ATF6: variants seen among roughly 807,000 people sequenced by gnomAD.
ATF6 encodes activating transcription factor 6.
Under a neutral mutation model 83.6 loss-of-function variants are expected in ATF6, and 53 were observed. The ratio of observed to expected loss-of-function variants is 0.63; its 90% CI spans 0.51 to 0.80. The LOEUF is 0.80. Among genes scored for constraint, ATF6 ranks in the 30% least tolerant of loss-of-function variants. ATF6 has a pLI of 0.00. For missense variants in ATF6, 744 were observed against 797.9 expected, an observed-to-expected ratio of 0.93 and a Z score of 0.81; for synonymous variants, 288 against 285.8, an observed-to-expected ratio of 1.01 and a Z score of -0.08.
chr1:161,889,048 A>G (rs2101866905), intron 14 of ATF6, among the ~76,000 whole-genome samples: 1 of 152,292 alleles, frequency 6.6e-6, no homozygotes, highest in South Asian at 2.1e-4. Flanking sequence ...ACACTCCTAC[A>G]AGCCTTGAAG....
rs1210351498 is a variant in ATF6 at position 161,960,095 on chromosome 1, A to AC, written c.*1441_*1442insC. The AC allele has an allele frequency of 6.6e-6, 1 of 152,102 alleles. No individual in the cohort carries two copies. Among genetic ancestry groups the AC allele is most frequent in the African/African-American group, 2.4e-5 (1 of 41,386 alleles). 9.4% of individuals were successfully genotyped at this position (152,102 alleles called of 1,614,324 possible). A position where few individuals can be genotyped will look rare whatever the true frequency, so the allele number is the denominator to read the frequency against. On this transcript the variant is annotated 3_prime_UTR_variant, in exon 16 of 16. Coordinates refer to ENST00000367942, the MANE Select transcript of ATF6 (RefSeq NM_007348.4). ...CTTTTGTCCTCCCATGGTTAAAAAAAAAAAAAAAGCTGTGTTCATTTTTAC... is the reference window on the plus strand; with the variant it reads ...CTTTTGTCCTCCCATGGTTAAAAAAACAAAAAAAAGCTGTGTTCATTTTTAC...
intron 6 of ATF6, among the ~76,000 whole-genome samples, chr1:161,797,404 T>C (rs924617032): frequency 1.3e-5 from 2 of 152,142 alleles, no homozygotes; most frequent in Non-Finnish European, 2.9e-5. Flanking sequence ...GACGATATGA[T>C]TCTATACCTG....
chr1:161,920,292 C>CTTTTTTTTTTTTTTTTT (rs1322896918), intron 15 of ATF6, among the ~76,000 whole-genome samples: 16 of 19,794 alleles, frequency 8.1e-4, no homozygotes, highest in Non-Finnish European at 1.6e-3. Context: ...CTCTCTCTCT[C>CTTTTTTTTTTTTTTTTT]TCTTTTTTTT....
intron 14 of ATF6, among the ~76,000 whole-genome samples, chr1:161,867,327 T>TAGGG (rs1687028897): frequency 1.3e-5 from 2 of 152,088 alleles, no homozygotes; most frequent in Admixed American, 6.5e-5. Context: ...ATAGTCTATT[T>TAGGG]AGGGAGGGAG....
intron 14 of ATF6, among the ~76,000 whole-genome samples, chr1:161,888,796 A>G (rs1402555663): frequency 2.0e-5 from 3 of 152,046 alleles, no homozygotes; most frequent in African/African-American, 7.2e-5. Flanking sequence ...TTCCCTGCCT[A>G]AATTCCTTGG....
In ATF6 at chr1:161,959,099, C is replaced by G. The variant is rs929502028; in HGVS notation, c.*445C>G. 4 of 153,384 alleles carry G rather than the reference C, an allele frequency of 2.6e-5. No individual in the cohort carries two copies. Among genetic ancestry groups the G allele is most frequent in the African/African-American group, 9.6e-5 (4 of 41,454 alleles). The allele number at this position is 153,384 out of a possible 1,614,324, so 9.5% of individuals were successfully genotyped here. A position where few individuals can be genotyped will look rare whatever the true frequency, so the allele number is the denominator to read the frequency against. ...CATGTTCAAATGGTTTCCACTGATT[C>G]GATTTTTCATTCATTTAATGCAAAC... is the stretch of plus-strand genomic sequence containing the variant. On this transcript the variant is annotated 3_prime_UTR_variant, in exon 16 of 16. Transcript: ENST00000367942.
In ATF6 at chr1:161,931,619, T is replaced by G. The variant is rs532431047; in HGVS notation, c.1804+19239T>G. Among the ~76,000 whole-genome samples the G allele has an allele frequency of 2.6e-5, 4 of 152,312 alleles. No homozygotes were observed. The South Asian group carries it at 8.3e-4, about 32-fold the overall frequency. On this transcript the variant is annotated intron_variant, in intron 15 of 15. Transcript: ENST00000367942. ...TAGCAGTGACTCCTCATTCACCCCTTTCCCCACTCCAGTAATGCTGAGCAT... is the reference window on the plus strand; with the variant it reads ...TAGCAGTGACTCCTCATTCACCCCTGTCCCCACTCCAGTAATGCTGAGCAT...
intron 15 of ATF6, among the ~76,000 whole-genome samples, chr1:161,951,581 AG>A (rs1343378556): frequency 1.3e-5 from 2 of 152,216 alleles, no homozygotes; most frequent in African/African-American, 4.8e-5. Flanking sequence ...ATAGTCTAGT[AG>A]GGGTGACACA....
intron 6 of ATF6, among the ~76,000 whole-genome samples, chr1:161,796,395 T>TATA (rs1405552129): frequency 6.6e-6 from 1 of 152,204 alleles, no homozygotes; most frequent in Non-Finnish European, 1.5e-5. Flanking sequence ...CATGGCTTCC[T>TATA]ATAATACTCT....
chr1:161,898,119 A>G (rs747805781), intron 14 of ATF6, among the ~76,000 whole-genome samples: 19 of 152,186 alleles, frequency 1.2e-4, no homozygotes, highest in Admixed American at 6.5e-5. Context: ...AGTAAAAGCC[A>G]TTCAGAGAGA....
intron 1 of ATF6, among the ~76,000 whole-genome samples, chr1:161,774,381 G>A (rs1684467606): frequency 6.6e-6 from 1 of 151,130 alleles, no homozygotes; most frequent in South Asian, 2.1e-4. Flanking sequence ...GTGGAGTAAT[G>A]AGAAGTAGTT....
Position 161,920,028 on chromosome 1 carries a change from G to A in ATF6, c.1804+7648G>A, listed in dbSNP as rs374789366. Reference sequence around the variant, plus strand: ...CCCAAGGCAAATATATTTGGAAACCGTCCTATTCATTCTGCTCAAGCAGCC... The same window carrying A: ...CCCAAGGCAAATATATTTGGAAACCATCCTATTCATTCTGCTCAAGCAGCC... On this transcript the variant is annotated intron_variant, in intron 15 of 15. Coordinates refer to ENST00000367942, the MANE Select transcript of ATF6 (RefSeq NM_007348.4). Among the ~76,000 whole-genome samples the A allele has an allele frequency of 2.3e-3, 351 of 152,204 alleles. 1 individual carries two copies. Among genetic ancestry groups the A allele is most frequent in the Non-Finnish European group, 4.1e-3 (277 of 68,002 alleles).
At chr1:161,896,356 C>CA (rs1687676887) in intron 14 of ATF6, among the ~76,000 whole-genome samples, 1 of 152,192 alleles carries the variant, frequency 6.6e-6, no homozygotes, top group Admixed American at 6.5e-5. Flanking sequence ...CTCGGCCTCC[C>CA]AAAGTGCTGA....
chr1:161,843,133 A>C (rs746054388), intron 9 of ATF6, among the ~76,000 whole-genome samples: 7 of 152,192 alleles, frequency 4.6e-5, no homozygotes, highest in Non-Finnish European at 1.0e-4. Flanking sequence ...CATGTTCCGC[A>C]CACTCATTCA....
At position 161,912,342 on chromosome 1, in the gene ATF6, C is replaced by A; in HGVS notation, c.1766C>A (p.Pro589Gln). ...ACCACCCATAACAAGACCACAAGAC[C>A]AAAAATGTCAATTGTGTTACCAGCA... ...PATTHNKTTRPKMSIVLPAIN... is the reference protein window; with the variant it reads ...PATTHNKTTRQKMSIVLPAIN... Residue 589 changes from proline to glutamine, a missense_variant, in exon 15 of 16, where the codon CCA (proline) becomes CAA (glutamine). Pro to Gln is a moderately conservative substitution (Grantham distance 76, BLOSUM62 -1). Coordinates refer to ENST00000367942, the MANE Select transcript of ATF6 (RefSeq NM_007348.4). The A allele has an allele frequency of 6.2e-7, 1 of 1,609,918 alleles. No homozygotes were observed. The highest frequency in any genetic ancestry group is 8.5e-7 in the Non-Finnish European group (1 of 1,178,174).
intron 7 of ATF6, among the ~76,000 whole-genome samples, chr1:161,807,159 C>A (rs923482480): frequency 1.3e-5 from 2 of 152,060 alleles, no homozygotes; most frequent in Admixed American, 6.6e-5. Context: ...CCCAATAAGA[C>A]GTGTAGGAGC....
At chr1:161,934,490 TCTGTTGGCTG>T (rs1688501507) in intron 15 of ATF6, among the ~76,000 whole-genome samples, 1 of 152,168 alleles carries the variant, frequency 6.6e-6, no homozygotes, top group South Asian at 2.1e-4. Flanking sequence ...TGGCAAAGCT[TCTGTTGGCTG>T]TACCACATTC....
chr1:161,932,288 C>G (rs1039781866), intron 15 of ATF6, among the ~76,000 whole-genome samples: 1 of 152,076 alleles, frequency 6.6e-6, no homozygotes, highest in Non-Finnish European at 1.5e-5. Context: ...TATTTTACAG[C>G]CTCATTTTCC....
At chr1:161,825,657 A>T (rs1685878051) in intron 9 of ATF6, among the ~76,000 whole-genome samples, 1 of 152,046 alleles carries the variant, frequency 6.6e-6, no homozygotes, top group African/African-American at 2.4e-5. Context: ...CAGAGCTTTC[A>T]TGCCCTCTCC....
Sources: allele counts gnomAD v4.1 joint callset (sites outside exome capture counted in the v4.1 genomes callset), GRCh38; gene constraint gnomAD v4.1.1; transcripts MANE v1.5; gene names NCBI Gene and HGNC (gene_info 2026-07-23, HGNC 2026-07-21).